The following HDGFL3 variants were observed in gnomAD, a reference collection of about 807,000 sequenced individuals.
The protein encoded by HDGFL3 is hepatoma-derived growth factor-related protein 3.
HDGFL3 carries 6 observed loss-of-function variants against 27.6 expected under a neutral mutation model. The ratio of observed to expected loss-of-function variants is 0.22; its 90% CI spans 0.12 to 0.43. HDGFL3 has a LOEUF of 0.43. Ranked by LOEUF, HDGFL3 falls within the 20% of genes least tolerant of loss-of-function variation. The pLI is 1.00. For synonymous variants in HDGFL3, 88 were observed against 88.9 expected (o/e 0.99, Z 0.05); for missense variants, 207 against 250.1 (o/e 0.83, Z 1.16).
intron 1 of HDGFL3, among the ~76,000 whole-genome samples, chr15:83,189,037 T>A (rs1426959459): frequency 6.6e-6 from 1 of 152,094 alleles, no homozygotes. Flanking sequence ...ATCTCATTCA[T>A]CACTGTGTCC....
In HDGFL3 at chr15:83,132,985, A is replaced by G. The variant is rs1425687818; in HGVS notation, c.*6285T>C. 1.3e-5 allele frequency: 2 copies of G among 152,228 alleles called. No individual in the cohort carries two copies. Among genetic ancestry groups the G allele is most frequent in the Non-Finnish European group, 2.9e-5 (2 of 68,036 alleles). The allele number at this position is 152,228 out of a possible 1,614,324, so 9.4% of individuals were successfully genotyped here. Reference sequence around the variant, plus strand: ...TCTACAGTCGAGCACCAGATCATGAATGGGTATTTCAGTTTTGTACTTGTG... The same window carrying G: ...TCTACAGTCGAGCACCAGATCATGAGTGGGTATTTCAGTTTTGTACTTGTG... On this transcript the variant is annotated 3_prime_UTR_variant, in exon 6 of 6. Coordinates refer to ENST00000299633, the MANE Select transcript of HDGFL3 (RefSeq NM_016073.4).
intron 1 of HDGFL3, chr15:83,179,148 G>C (rs1168003085): frequency 2.6e-5 from 4 of 152,218 alleles, no homozygotes; most frequent in African/African-American, 4.8e-5. Context: ...TTACCCTCTT[G>C]ATACTACAAA....
chr15:83,169,230 CTCCTATTCAACAT>C (rs1474757354), intron 1 of HDGFL3: 5 of 446,872 alleles, frequency 1.1e-5, no homozygotes, highest in Non-Finnish European at 2.2e-5. Context: ...ACCTTCACCA[CTCCTATTCAACAT>C]AGTACTGGAA....
chr15:83,123,402 G>T (rs915904002), downstream of HDGFL3, among the ~76,000 whole-genome samples: 13 of 152,204 alleles, frequency 8.5e-5, no homozygotes, highest in African/African-American at 3.1e-4. Context: ...TAGTCAAGGT[G>T]AAACAGCACT....
At chr15:83,170,635 A>G (rs1456281865) in intron 1 of HDGFL3, among the ~76,000 whole-genome samples, 1 of 152,212 alleles carries the variant, frequency 6.6e-6, no homozygotes, top group Non-Finnish European at 1.5e-5. Context: ...AAACCTAAGA[A>G]ACACCATTTT....
chr15:83,172,941 A>G (rs1177647608), intron 1 of HDGFL3, among the ~76,000 whole-genome samples: 9 of 152,298 alleles, frequency 5.9e-5, no homozygotes, highest in Non-Finnish European at 1.2e-4. Context: ...GGAGGAGTAA[A>G]AGAAGGGGTT....
chr15:83,188,140 T>C (rs1051883235), intron 1 of HDGFL3, among the ~76,000 whole-genome samples: 5 of 152,228 alleles, frequency 3.3e-5, no homozygotes, highest in African/African-American at 1.2e-4. Context: ...AATTTGTATT[T>C]CCCTCATTAA....
Position 83,136,873 on chromosome 15 carries a change from T to G in HDGFL3, c.*2397A>C, listed in dbSNP as rs1483541825. On this transcript the variant is annotated 3_prime_UTR_variant, in exon 6 of 6. Transcript: ENST00000299633. Reference sequence around the variant, plus strand: ...GGAAATTCTTGAGAAACAGTTTGTTTAAAGAAATATATTCAAAATCATTTG... The same window carrying G: ...GGAAATTCTTGAGAAACAGTTTGTTGAAAGAAATATATTCAAAATCATTTG... 1 of 391,058 alleles carries G rather than the reference T, an allele frequency of 2.6e-6. No homozygotes were observed. The highest frequency in any genetic ancestry group is 2.1e-5 in the African/African-American group (1 of 48,534). 24.2% of individuals were successfully genotyped at this position (391,058 alleles called of 1,614,324 possible).
In HDGFL3 at chr15:83,207,213, C is replaced by T; in HGVS notation, c.84+118G>A. On this transcript the variant is annotated intron_variant, in intron 1 of 5. Coordinates refer to ENST00000299633, the MANE Select transcript of HDGFL3 (RefSeq NM_016073.4). The surrounding 1 kb of genome is among the most constrained non-coding windows in gnomAD (Gnocchi z 4.8). ...CGTGCCGCGCCGCCCTCAGCCCTCA[C>T]CACAGCCGGCCGCGAGCTGCGGGCT... The T allele has an allele frequency of 4.4e-6, 3 of 678,096 alleles. No individual in the cohort carries two copies. The highest frequency in any genetic ancestry group is 6.3e-6 in the Non-Finnish European group (3 of 475,224). 42.0% of individuals were successfully genotyped at this position (678,096 alleles called of 1,614,324 possible).
Position 83,136,723 on chromosome 15 carries a change from G to A in HDGFL3, c.*2547C>T, listed in dbSNP as rs748574784. On this transcript the variant is annotated 3_prime_UTR_variant, in exon 6 of 6. Coordinates refer to ENST00000299633, the MANE Select transcript of HDGFL3 (RefSeq NM_016073.4). ...CTAAATTACTAACTTTTGTTATACT[G>A]GTACTGATATTTTGTCCCATTTCAC... is the stretch of plus-strand genomic sequence containing the variant. 9 of 1,468,164 alleles carry A rather than the reference G, an allele frequency of 6.1e-6. No individual in the cohort carries two copies. The African/African-American group carries it at 8.5e-5, about 14-fold the overall frequency. 90.9% of individuals were successfully genotyped at this position (1,468,164 alleles called of 1,614,324 possible). A position where few individuals can be genotyped will look rare whatever the true frequency, so the allele number is the denominator to read the frequency against.
intron 1 of HDGFL3, among the ~76,000 whole-genome samples, chr15:83,200,759 G>A (rs920878160): frequency 2.6e-5 from 4 of 151,332 alleles, no homozygotes; most frequent in African/African-American, 9.7e-5. Flanking sequence ...TTTAACCCCT[G>A]GTCTGATTCT....
chr15:83,157,711 T>A (rs528363904), intron 3 of HDGFL3, 138 bp from the exon 4 acceptor site: 8 of 1,004,814 alleles, frequency 8.0e-6, no homozygotes, highest in Non-Finnish European at 1.2e-5. Flanking sequence ...GCTGTCAAAC[T>A]GAATTTTCCA....
chr15:83,163,429 C>A (rs1322457989), intron 2 of HDGFL3, among the ~76,000 whole-genome samples: 1 of 152,120 alleles, frequency 6.6e-6, no homozygotes, highest in African/African-American at 2.4e-5. Context: ...AAGTAGTCTA[C>A]CCACCCCAAT....
chr15:83,185,244 G>C (rs779725357), intron 1 of HDGFL3, among the ~76,000 whole-genome samples: 1 of 152,202 alleles, frequency 6.6e-6, no homozygotes, highest in East Asian at 1.9e-4. Flanking sequence ...GGCTGGTCTC[G>C]AACTCCTGAC....
At chr15:83,116,079 G>A in intron 3 of HDGFL3, 1 of 668,458 alleles carries the variant, frequency 1.5e-6, no homozygotes, top group South Asian at 1.9e-5. Flanking sequence ...ATAGCCTTAG[G>A]TCGCTTAGTC....
At chr15:83,158,065 AATTGAC>A (rs1279443759) in intron 2 of HDGFL3, 24 bp from the exon 3 acceptor site, 2 of 1,579,676 alleles carry the variant, frequency 1.3e-6, no homozygotes, top group East Asian at 4.5e-5. Flanking sequence ...TTAGAAATAG[AATTGAC>A]ACACTGACCT....
At chr15:83,113,747 C>T (rs1405665377) in exon 4 of HDGFL3, 4 of 152,636 alleles carry the variant, frequency 2.6e-5, no homozygotes, top group Admixed American at 2.0e-4. Context: ...CAGGCATGCC[C>T]TTCTCATGGC....
intron 2 of HDGFL3, chr15:83,163,776 A>C: frequency 2.0e-6 from 1 of 508,430 alleles, no homozygotes; most frequent in East Asian, 3.7e-5. Flanking sequence ...CCAACATTTA[A>C]GCAGAAACAC....
chr15:83,158,049 G>A lies in HDGFL3; in HGVS notation c.162-8C>T, dbSNP rs368751514. 41 of 1,588,962 alleles carry A rather than the reference G, an allele frequency of 2.6e-5. No homozygotes were observed. In the African/African-American group the frequency reaches 4.1e-4, roughly 16 times the overall value. On this transcript the variant is annotated splice_polypyrimidine_tract_variant and splice_region_variant and intron_variant, in intron 2 of 5. Coordinates refer to ENST00000299633, the MANE Select transcript of HDGFL3 (RefSeq NM_016073.4). ...TTGGGACCTAGAAATGCACTGCAGA[G>A]ACATATTAGAAATAGAATTGACACA...
Sources: gnomAD v4.1 joint callset for allele counts (sites outside exome capture counted in the v4.1 genomes callset) on GRCh38, gnomAD v4.1.1 for gene constraint, Gnocchi (gnomAD v3.1) non-coding constraint, MANE v1.5 for transcripts, NCBI Gene and HGNC (gene_info 2026-07-23, HGNC 2026-07-21) for gene names.